The following TMEM132D variants were observed in gnomAD, a reference collection of about 807,000 sequenced individuals.
The protein encoded by TMEM132D is transmembrane protein 132D.
In TMEM132D, 21 loss-of-function variants were observed where a neutral mutation model predicts 62.3. The observed-to-expected ratio is 0.34, with a 90% CI of 0.24 to 0.49. The LOEUF (loss-of-function observed/expected upper bound fraction) is 0.49. TMEM132D is among the 20% of genes least tolerant of loss of function. TMEM132D has a pLI of 0.99. For synonymous variants in TMEM132D, 621 were observed against 575.6 expected, an observed-to-expected ratio of 1.08 and a Z score of -1.13; for missense variants, 1,346 against 1,402.8, an observed-to-expected ratio of 0.96 and a Z score of 0.65.
chr12:129,717,517 T>C lies in TMEM132D; in HGVS notation c.80-16819A>G, dbSNP rs189816032. Among the ~76,000 whole-genome samples, 11 of 149,618 alleles carry C rather than the reference T, an allele frequency of 7.4e-5. No individual in the cohort carries two copies. In the East Asian group the frequency reaches 1.6e-3, roughly 21 times the overall value. Reference sequence around the variant, plus strand: ...ATAAAAATATTTAACATTAATAATATATTTAATAAAATCATATTTTGATAA... The same window carrying C: ...ATAAAAATATTTAACATTAATAATACATTTAATAAAATCATATTTTGATAA... On this transcript the variant is annotated intron_variant, in intron 1 of 8. Coordinates refer to ENST00000422113, the MANE Select transcript of TMEM132D (RefSeq NM_133448.3).
At chr12:129,718,405 A>T (rs1056893313) in intron 1 of TMEM132D, among the ~76,000 whole-genome samples, 1 of 152,218 alleles carries the variant, frequency 6.6e-6, no homozygotes, top group African/African-American at 2.4e-5. Flanking sequence ...CTAACAAAAC[A>T]TTCACGTCTG....
chr12:129,704,793 G>A (rs1881464581), intron 1 of TMEM132D, among the ~76,000 whole-genome samples: 1 of 152,168 alleles, frequency 6.6e-6, no homozygotes, highest in Non-Finnish European at 1.5e-5. Flanking sequence ...AAGCTGCAGA[G>A]TAACGAAGGA....
chr12:129,602,045 T>C (rs1343606575), intron 2 of TMEM132D, among the ~76,000 whole-genome samples: 2 of 152,206 alleles, frequency 1.3e-5, no homozygotes, highest in Non-Finnish European at 2.9e-5. Flanking sequence ...AGTGGTATAA[T>C]AATGATTTAT....
chr12:129,833,660 C>T (rs895114342), intron 1 of TMEM132D, among the ~76,000 whole-genome samples: 54 of 152,118 alleles, frequency 3.5e-4, no homozygotes, highest in African/African-American at 1.2e-3. Context: ...TGTTTCATTT[C>T]ATTCCTGTTT....
At chr12:129,275,603 C>CA (rs1479921613) in intron 4 of TMEM132D, among the ~76,000 whole-genome samples, 1 of 152,212 alleles carries the variant, frequency 6.6e-6, no homozygotes, top group Non-Finnish European at 1.5e-5. Flanking sequence ...GTAGCCCAGA[C>CA]ACCACAGTTC....
At chr12:129,112,365 T>A (rs1305243030) in intron 5 of TMEM132D, among the ~76,000 whole-genome samples, 1 of 152,172 alleles carries the variant, frequency 6.6e-6, no homozygotes, top group East Asian at 1.9e-4. Flanking sequence ...AATTTCAAAT[T>A]AATTAAAATT....
At chr12:129,315,050 T>C (rs757256990) in intron 4 of TMEM132D, among the ~76,000 whole-genome samples, 2 of 152,044 alleles carry the variant, frequency 1.3e-5, no homozygotes, top group African/African-American at 2.4e-5. Flanking sequence ...TCAGGAGGAG[T>C]ACTTAGGGTT....
intron 4 of TMEM132D, among the ~76,000 whole-genome samples, chr12:129,221,942 A>G (rs891122210): frequency 2.0e-5 from 3 of 152,190 alleles, no homozygotes; most frequent in Non-Finnish European, 4.4e-5. Flanking sequence ...CTGTGTTGCT[A>G]TAAATAACCT....
intron 5 of TMEM132D, among the ~76,000 whole-genome samples, chr12:129,174,477 A>G (rs566286872): frequency 1.3e-5 from 2 of 152,282 alleles, no homozygotes; most frequent in South Asian, 4.1e-4. Flanking sequence ...CCAGTCTATC[A>G]TTGATGGACA....
chr12:129,814,611 C>CAAAAA (rs34979485), intron 1 of TMEM132D, among the ~76,000 whole-genome samples: 971 of 94,352 alleles, frequency 0.01, 15 homozygotes, highest in Middle Eastern at 0.017. Context: ...AACTCCCTCT[C>CAAAAA]AAAAAAAAAA....
intron 4 of TMEM132D, among the ~76,000 whole-genome samples, chr12:129,270,658 T>TGTGAGA (rs1880829535): frequency 6.6e-6 from 1 of 152,170 alleles, no homozygotes; most frequent in African/African-American, 2.4e-5. Context: ...TGTGTGTGTG[T>TGTGAGA]GTGAGAGTGT....
chr12:129,548,555 G>A (rs2137103698), intron 2 of TMEM132D, among the ~76,000 whole-genome samples: 1 of 152,276 alleles, frequency 6.6e-6, no homozygotes, highest in South Asian at 2.1e-4. Context: ...TGGATATTAG[G>A]ACCTAGGTAA....
At chr12:129,353,553 G>C (rs1419949746) in intron 3 of TMEM132D, among the ~76,000 whole-genome samples, 2 of 152,028 alleles carry the variant, frequency 1.3e-5, no homozygotes, top group African/African-American at 4.8e-5. Context: ...TGATTTGGGG[G>C]CTCCATGGAG....
At chr12:129,506,367 G>A (rs1004520460) in intron 3 of TMEM132D, among the ~76,000 whole-genome samples, 3 of 152,022 alleles carry the variant, frequency 2.0e-5, no homozygotes, top group African/African-American at 7.2e-5. Context: ...ATCCTAAAAT[G>A]TATATGGAAC....
At chr12:129,505,730 T>C (rs1316961005) in intron 3 of TMEM132D, among the ~76,000 whole-genome samples, 1 of 152,194 alleles carries the variant, frequency 6.6e-6, no homozygotes, top group Non-Finnish European at 1.5e-5. Flanking sequence ...ATATTCAGGA[T>C]TGTGATATTT....
chr12:129,445,332 G>T (rs1873065152), intron 3 of TMEM132D, among the ~76,000 whole-genome samples: 1 of 152,126 alleles, frequency 6.6e-6, no homozygotes, highest in Non-Finnish European at 1.5e-5. Context: ...GGAGGAAGGA[G>T]AGAATCAAGA....
intron 4 of TMEM132D, among the ~76,000 whole-genome samples, chr12:129,266,618 C>T (rs1321541490): frequency 2.7e-5 from 4 of 147,798 alleles, no homozygotes; most frequent in Non-Finnish European, 6.0e-5. Flanking sequence ...CCCTTTCTCT[C>T]CTCTCCTCTC....
intron 3 of TMEM132D, among the ~76,000 whole-genome samples, chr12:129,478,914 A>T (rs927837530): frequency 2.6e-5 from 4 of 151,876 alleles, no homozygotes; most frequent in African/African-American, 9.7e-5. Flanking sequence ...TGACTTTTAA[A>T]ATATGTTAAA....
chr12:129,591,570 G>A (rs1878191606), intron 2 of TMEM132D, among the ~76,000 whole-genome samples: 1 of 151,348 alleles, frequency 6.6e-6, no homozygotes, highest in Admixed American at 6.6e-5. Flanking sequence ...AGGAACTAGG[G>A]TGGGGCCACA....
Sources: gnomAD v4.1 joint callset for allele counts (sites outside exome capture counted in the v4.1 genomes callset) on GRCh38, gnomAD v4.1.1 for gene constraint, MANE v1.5 for transcripts, NCBI Gene and HGNC (gene_info 2026-07-23, HGNC 2026-07-21) for gene names.